SPTLC2: variants seen among roughly 807,000 people sequenced by gnomAD.
The protein encoded by SPTLC2 is serine palmitoyltransferase long chain base subunit 2.
In SPTLC2, 21 loss-of-function variants were observed where a neutral mutation model predicts 62.0. That is an observed-to-expected ratio of 0.34 (90% CI 0.24 to 0.49). The LOEUF is 0.49. SPTLC2 is among the 20% of genes least tolerant of loss of function. The pLI, the probability that SPTLC2 is intolerant of heterozygous loss-of-function variation, is 0.99. For synonymous variants in SPTLC2, 261 were observed against 261.8 expected, an observed-to-expected ratio of 1.00 and a Z score of 0.03; for missense variants, 511 against 713.0, an observed-to-expected ratio of 0.72 and a Z score of 3.23.
intron 9 of SPTLC2, among the ~76,000 whole-genome samples, chr14:77,544,158 C>T (rs902780462): frequency 6.6e-6 from 1 of 152,034 alleles, no homozygotes; most frequent in African/African-American, 2.4e-5. Context: ...AGACGTGTAC[C>T]ACCACACTTG....
chr14:77,595,296 C>T (rs1376402755), intron 2 of SPTLC2, among the ~76,000 whole-genome samples: 2 of 148,612 alleles, frequency 1.3e-5, no homozygotes, highest in African/African-American at 2.5e-5. Flanking sequence ...ACCCGGGAGG[C>T]GGAGGTTGCA....
chr14:77,534,771 C>G (rs1009914533), intron 9 of SPTLC2, among the ~76,000 whole-genome samples: 1 of 152,060 alleles, frequency 6.6e-6, no homozygotes, highest in Non-Finnish European at 1.5e-5. Context: ...TCATGATGCA[C>G]CAGATATTGC....
chr14:77,572,852 G>A (rs538304607), intron 4 of SPTLC2, among the ~76,000 whole-genome samples: 2 of 152,132 alleles, frequency 1.3e-5, no homozygotes, highest in Non-Finnish European at 2.9e-5. Context: ...ACCTCTTTCA[G>A]CCTTGATAGA....
At chr14:77,572,383 T>C (rs975271379) in intron 4 of SPTLC2, among the ~76,000 whole-genome samples, 3 of 152,170 alleles carry the variant, frequency 2.0e-5, no homozygotes, top group Middle Eastern at 3.2e-3. Flanking sequence ...ATGGAAAATA[T>C]ACAGAAGGAT....
intron 4 of SPTLC2, among the ~76,000 whole-genome samples, chr14:77,574,555 C>G (rs117456964): frequency 6.6e-6 from 1 of 152,192 alleles, no homozygotes; most frequent in Non-Finnish European, 1.5e-5. Flanking sequence ...ACGTTCACAG[C>G]AGCACTGCTG....
intron 8 of SPTLC2, among the ~76,000 whole-genome samples, chr14:77,553,729 CAAAAAAA>C (rs34500527): frequency 3.5e-4 from 34 of 96,564 alleles, no homozygotes; most frequent in African/African-American, 1.2e-3. Flanking sequence ...GGCTTGGTCT[CAAAAAAA>C]AAAAAAAAAA....
chr14:77,570,386 T>G lies in SPTLC2; in HGVS notation c.754A>C (p.Lys252Gln). 6.2e-7 allele frequency: 1 copy of G among 1,613,184 alleles called. No individual in the cohort carries two copies. The highest frequency in any genetic ancestry group is 8.5e-7 in the Non-Finnish European group (1 of 1,179,964). Residue 252 changes from lysine (K) to glutamine (Q), a missense_variant and splice_region_variant, in exon 5 of 12, where the codon AAA becomes CAA. Physicochemically the swap from Lys to Gln is moderately conservative, Grantham distance 53. Transcript: ENST00000216484. ...NSMNIPALVG[K>Q]GCLILSDELN... The stretch of plus-strand genomic sequence containing the variant: ...TCATAAATGACAGAGTATCTTACTT[T>G]GCCAACAAGAGCAGGAATGTTCATT...
At position 77,579,139 on chromosome 14, in the gene SPTLC2, T is replaced by G. The variant is rs80060651; in HGVS notation, c.328-30A>C. On this transcript the variant is annotated intron_variant, in intron 2 of 11. Transcript: ENST00000216484. ...CAAGAAATGGTGACATACCATAAAT[T>G]TAACTGAGTTACTTTATTAAAAAAT... 8,163 of 1,612,110 alleles carry G rather than the reference T, an allele frequency of 5.1e-3. 353 individuals are homozygous for G. In the African/African-American group the frequency reaches 0.095, roughly 19 times the overall value.
chr14:77,569,302 C>T (rs949053098), intron 5 of SPTLC2, among the ~76,000 whole-genome samples: 23 of 151,980 alleles, frequency 1.5e-4, no homozygotes, highest in Admixed American at 1.4e-3. Flanking sequence ...TAATTTTATC[C>T]GACAATCTTT....
At chr14:77,590,978 G>A (rs2079812729) in intron 2 of SPTLC2, among the ~76,000 whole-genome samples, 1 of 152,138 alleles carries the variant, frequency 6.6e-6, no homozygotes, top group Non-Finnish European at 1.5e-5. Context: ...AACGGATACA[G>A]AGGTAAACCT....
At chr14:77,565,456 G>C (rs1468079200) in intron 5 of SPTLC2, among the ~76,000 whole-genome samples, 1 of 152,108 alleles carries the variant, frequency 6.6e-6, no homozygotes, top group East Asian at 1.9e-4. Context: ...AAGCGATTAA[G>C]ATTTACATCA....
chr14:77,536,782 G>A (rs374071600), intron 9 of SPTLC2, among the ~76,000 whole-genome samples: 1 of 152,140 alleles, frequency 6.6e-6, no homozygotes, highest in Non-Finnish European at 1.5e-5. Flanking sequence ...CAGTGGTAAA[G>A]ATAAAATACT....
At chr14:77,545,010 C>A (rs182786663) in intron 9 of SPTLC2, among the ~76,000 whole-genome samples, 1 of 152,114 alleles carries the variant, frequency 6.6e-6, no homozygotes, top group Admixed American at 6.5e-5. Context: ...CTCTCTCCCC[C>A]ACTGGAAGAC....
chr14:77,565,951 T>C (rs1350291963), intron 5 of SPTLC2, among the ~76,000 whole-genome samples: 1 of 152,200 alleles, frequency 6.6e-6, no homozygotes, highest in African/African-American at 2.4e-5. Flanking sequence ...AGTGTTAAAA[T>C]TGAAAAAGCG....
chr14:77,591,730 G>T (rs11627714), intron 2 of SPTLC2, among the ~76,000 whole-genome samples: 20,827 of 131,188 alleles, frequency 0.16, 1,729 homozygotes, highest in Middle Eastern at 0.19. Flanking sequence ...ATGTATGTAT[G>T]TATTTATTTT....
At chr14:77,616,279 C>A (rs929256799) in intron 1 of SPTLC2, among the ~76,000 whole-genome samples, 169 bp downstream of exon 1, 1 of 152,176 alleles carries the variant, frequency 6.6e-6, no homozygotes, top group South Asian at 2.1e-4. Flanking sequence ...GTCCTTGAGC[C>A]TCCAGGCTCG....
chr14:77,610,689 T>C (rs1226135765), intron 1 of SPTLC2, among the ~76,000 whole-genome samples: 1 of 152,048 alleles, frequency 6.6e-6, no homozygotes, highest in East Asian at 1.9e-4. Context: ...TCTGCTACAG[T>C]GGCTGTAATC....
intron 5 of SPTLC2, among the ~76,000 whole-genome samples, chr14:77,567,778 T>C (rs2079653491): frequency 6.6e-6 from 1 of 152,020 alleles, no homozygotes; most frequent in East Asian, 1.9e-4. Context: ...TTCCTTCTGC[T>C]TAGTTTGGGT....
intron 5 of SPTLC2, among the ~76,000 whole-genome samples, chr14:77,568,140 CA>C (rs1457832095): frequency 6.6e-6 from 1 of 152,178 alleles, no homozygotes. Context: ...CTTCATCCAA[CA>C]AACTATAATA....
Sources: allele counts gnomAD v4.1 joint callset (sites outside exome capture counted in the v4.1 genomes callset), GRCh38; gene constraint gnomAD v4.1.1; transcripts MANE v1.5; gene names NCBI Gene and HGNC (gene_info 2026-07-23, HGNC 2026-07-21).